Variants in DGLUCY observed in about 807,000 individuals in gnomAD.
DGLUCY encodes the protein D-glutamate cyclase, mitochondrial.
Under a neutral mutation model 58.5 loss-of-function variants are expected in DGLUCY, and 58 were observed. That is an observed-to-expected ratio of 0.99 (90% CI 0.80 to 1.23). DGLUCY has a LOEUF of 1.23. Ranked by LOEUF, DGLUCY falls within the 50% of genes most tolerant of loss-of-function variation. DGLUCY has a pLI of 0.00. For missense variants in DGLUCY, 779 were observed against 784.7 expected (o/e 0.99, Z 0.09); for synonymous variants, 325 against 314.1 (o/e 1.03, Z -0.37).
At chr14:91,100,170 A>T (rs901174828) in intron 1 of DGLUCY, among the ~76,000 whole-genome samples, 2 of 152,186 alleles carry the variant, frequency 1.3e-5, no homozygotes, top group Non-Finnish European at 1.5e-5. Flanking sequence ...ATCCTGACCC[A>T]GATTTCAAAG....
At chr14:91,149,238 ACT>A (rs1202842034) in intron 1 of DGLUCY, among the ~76,000 whole-genome samples, 2 of 150,470 alleles carry the variant, frequency 1.3e-5, no homozygotes, top group Admixed American at 1.3e-4. Flanking sequence ...CAAGAGCGAA[ACT>A]CTATCTCAAA....
At chr14:91,224,630 A>C in intron 13 of DGLUCY, 54 bp from the exon 14 acceptor site, 1 of 1,504,614 alleles carries the variant, frequency 6.6e-7, no homozygotes, top group Non-Finnish European at 8.9e-7. Flanking sequence ...GTATAAAAGA[A>C]ATTTCTTTTT....
At chr14:91,075,855 G>A (rs1429104856) in intron 1 of DGLUCY, among the ~76,000 whole-genome samples, 1 of 152,226 alleles carries the variant, frequency 6.6e-6, no homozygotes, top group Non-Finnish European at 1.5e-5. Context: ...GCTCATGCCT[G>A]TAATCCCAAC....
intron 10 of DGLUCY, among the ~76,000 whole-genome samples, chr14:91,199,477 T>C (rs1398335519): frequency 6.6e-6 from 1 of 151,212 alleles, no homozygotes; most frequent in East Asian, 2.0e-4. Context: ...GTTCTCGAAC[T>C]CCTGACCTCA....
chr14:91,102,741 G>GTA (rs201800964), intron 1 of DGLUCY, among the ~76,000 whole-genome samples: 3 of 140,276 alleles, frequency 2.1e-5, no homozygotes, highest in Non-Finnish European at 4.6e-5. Flanking sequence ...CTTCCAGTGT[G>GTA]TATGTGTGTG....
intron 1 of DGLUCY, among the ~76,000 whole-genome samples, chr14:91,069,981 C>A (rs1220450556): frequency 6.7e-6 from 1 of 150,100 alleles, no homozygotes; most frequent in African/African-American, 2.4e-5. Context: ...AATAAGAAGG[C>A]ATTTAGTTGA....
chr14:91,190,081 G>A (rs1363512414), intron 9 of DGLUCY, among the ~76,000 whole-genome samples: 2 of 143,640 alleles, frequency 1.4e-5, no homozygotes, highest in Non-Finnish European at 3.0e-5. Context: ...TCCGCCTCCC[G>A]GGTTCACGCC....
intron 1 of DGLUCY, among the ~76,000 whole-genome samples, chr14:91,061,536 G>A (rs552317011): frequency 8.5e-5 from 13 of 152,218 alleles, no homozygotes; most frequent in Non-Finnish European, 1.8e-4. Context: ...ATCTCGCACG[G>A]ATGGCAATAA....
At chr14:91,064,107 T>C (rs1208431323) in intron 1 of DGLUCY, among the ~76,000 whole-genome samples, 1 of 152,168 alleles carries the variant, frequency 6.6e-6, no homozygotes, top group Admixed American at 6.6e-5. Context: ...GAGCAGCTAG[T>C]GGCTGGAAGA....
At chr14:91,187,298 A>T (rs1595872410) in intron 8 of DGLUCY, among the ~76,000 whole-genome samples, 1 of 152,124 alleles carries the variant, frequency 6.6e-6, no homozygotes, top group Non-Finnish European at 1.5e-5. Context: ...CCGCCCAGCC[A>T]ACCCCGTGTC....
chr14:91,179,578 C>A (rs1009251212), intron 7 of DGLUCY, among the ~76,000 whole-genome samples: 2 of 152,096 alleles, frequency 1.3e-5, no homozygotes, highest in African/African-American at 4.8e-5. Flanking sequence ...TGGCAAAACC[C>A]TGTCTCTACT....
intron 8 of DGLUCY, chr14:91,185,485 G>C (rs1489015720): frequency 1.3e-5 from 2 of 151,012 alleles, no homozygotes; most frequent in Non-Finnish European, 3.0e-5. Flanking sequence ...GGGTCTCCCT[G>C]TGTTGAACCC....
chr14:91,149,806 G>A (rs1170052346), intron 1 of DGLUCY, among the ~76,000 whole-genome samples: 2 of 152,222 alleles, frequency 1.3e-5, no homozygotes, highest in Non-Finnish European at 2.9e-5. Context: ...ATTTGGCTAA[G>A]TAACTAAAAG....
At chr14:91,140,400 G>A (rs1036207772) in intron 1 of DGLUCY, among the ~76,000 whole-genome samples, 1 of 152,176 alleles carries the variant, frequency 6.6e-6, no homozygotes, top group East Asian at 1.9e-4. Context: ...GGTCGGGTGC[G>A]GTGGCTCAAG....
chr14:91,199,671 T>G, intron 10 of DGLUCY, 86 bp from the exon 11 acceptor site: 1 of 1,465,898 alleles, frequency 6.8e-7, no homozygotes, highest in South Asian at 1.3e-5. Context: ...AGAAGCGTCT[T>G]TCGCGCAAAC....
At chr14:91,180,633 A>C (rs1190412035) in intron 7 of DGLUCY, among the ~76,000 whole-genome samples, 2 of 152,160 alleles carry the variant, frequency 1.3e-5, no homozygotes, top group Non-Finnish European at 2.9e-5. Context: ...GTATATTCAC[A>C]ATGCTAAAAC....
chr14:91,175,901 T>G (rs1165964010), intron 6 of DGLUCY, 33 bp from the exon 7 acceptor site: 1 of 1,611,714 alleles, frequency 6.2e-7, no homozygotes, highest in East Asian at 2.2e-5. Flanking sequence ...TGCTCCCTGC[T>G]GAGGAAATTA....
chr14:91,099,663 A>G (rs1171991716), intron 1 of DGLUCY, among the ~76,000 whole-genome samples: 2 of 152,070 alleles, frequency 1.3e-5, no homozygotes, highest in Non-Finnish European at 2.9e-5. Flanking sequence ...GGGTATCCCC[A>G]CCAACCCAGG....
At chr14:91,146,503 C>T (rs546192882) in intron 1 of DGLUCY, among the ~76,000 whole-genome samples, 3 of 152,220 alleles carry the variant, frequency 2.0e-5, no homozygotes, top group South Asian at 2.1e-4. Flanking sequence ...TCCCCTTTCC[C>T]GAAAACATCT....
Sources: allele counts gnomAD v4.1 joint callset (sites outside exome capture counted in the v4.1 genomes callset), GRCh38; gene constraint gnomAD v4.1.1; transcripts MANE v1.5; gene names NCBI Gene and HGNC (gene_info 2026-07-23, HGNC 2026-07-21).